FAT3: variants seen among roughly 807,000 people sequenced by gnomAD.
FAT3 encodes the protein FAT atypical cadherin 3, also known as protocadherin Fat 3.
FAT3 carries 95 observed loss-of-function variants against 310.2 expected under a neutral mutation model. That is an observed-to-expected ratio of 0.31 (90% CI 0.26 to 0.36). The LOEUF is 0.36. FAT3 is among the 10% of genes least tolerant of loss of function. The pLI, the probability that FAT3 is intolerant of heterozygous loss-of-function variation, is 1.00. For synonymous variants in FAT3, 2,314 were observed against 2,192.9 expected, an observed-to-expected ratio of 1.06 and a Z score of -1.54; for missense variants, 5,408 against 5,715.6, an observed-to-expected ratio of 0.95 and a Z score of 1.74.
chr11:92,645,386 G>A (rs939150710), intron 3 of FAT3, among the ~76,000 whole-genome samples: 4 of 151,668 alleles, frequency 2.6e-5, no homozygotes, highest in East Asian at 1.9e-4. Flanking sequence ...TACATTCTAC[G>A]CTGGTTAGGG....
chr11:92,829,438 T>C (rs1340821514), intron 13 of FAT3, among the ~76,000 whole-genome samples: 1 of 152,200 alleles, frequency 6.6e-6, no homozygotes, highest in Non-Finnish European at 1.5e-5. Context: ...TGCATTTTTG[T>C]GACTTGGAGA....
chr11:92,501,485 A>G (rs1952935806), intron 2 of FAT3, among the ~76,000 whole-genome samples: 1 of 152,078 alleles, frequency 6.6e-6, no homozygotes. Context: ...TAATAGCAAT[A>G]CAGAGTCAGA....
rs575197541 is a variant in FAT3 at position 92,728,239 on chromosome 11, T to TTTTG, written c.3669+30810_3669+30813dup. On this transcript the variant is annotated intron_variant, in intron 4 of 27. Transcript: ENST00000525166. ...AAATAGTTAGAATTTGTTTTCTGTTTTTTGTTTGTTTGTTTGTTTAACTAG... is the reference window on the plus strand; with the variant it reads ...AAATAGTTAGAATTTGTTTTCTGTTTTTTGTTTGTTTGTTTGTTTGTTTAACTAG... Among the ~76,000 whole-genome samples, 482 of 152,334 alleles carry TTTTG rather than the reference T, an allele frequency of 3.2e-3. 3 individuals carry two copies. Among genetic ancestry groups the TTTTG allele is most frequent in the African/African-American group, 0.01 (433 of 41,572 alleles).
chr11:92,321,531 A>T (rs1318513549), intron 1 of FAT3, among the ~76,000 whole-genome samples: 10 of 152,146 alleles, frequency 6.6e-5, no homozygotes, highest in Admixed American at 6.5e-5. Context: ...AATTAAGATG[A>T]TCTAATTAGA....
At chr11:92,480,640 A>C (rs763272086) in intron 2 of FAT3, among the ~76,000 whole-genome samples, 17 of 152,238 alleles carry the variant, frequency 1.1e-4, no homozygotes, top group South Asian at 4.1e-4. Flanking sequence ...TCTATGATGC[A>C]TGTGGCTTTT....
At chr11:92,886,907 G>C in intron 24 of FAT3, 93 bp from the exon 25 acceptor site, 1 of 986,422 alleles carries the variant, frequency 1.0e-6, no homozygotes, top group Non-Finnish European at 1.5e-6. Context: ...AAAGTGCCTC[G>C]AGAAGTGAAC....
intron 12 of FAT3, among the ~76,000 whole-genome samples, chr11:92,807,650 G>A (rs1947542228): frequency 6.6e-6 from 1 of 152,118 alleles, no homozygotes; most frequent in Admixed American, 6.6e-5. Context: ...AATGGCTTTA[G>A]GGTCCTTTTC....
Position 92,496,268 on chromosome 11 carries a change from A to G in FAT3, c.3293-28366A>G, listed in dbSNP as rs142903637. ...CAATTCTACCCTCAGTGCCTAATGC[A>G]TAAGAGTCAGTAAATATTTGTTGCA... is the stretch of plus-strand genomic sequence containing the variant. On this transcript the variant is annotated intron_variant, in intron 2 of 27. Transcript: ENST00000525166. Among the ~76,000 whole-genome samples the G allele has an allele frequency of 6.6e-4, 100 of 152,170 alleles. No homozygotes were observed. The Middle Eastern group carries it at 0.01, about 16-fold the overall frequency.
chr11:92,670,172 A>G (rs916638142), intron 3 of FAT3, among the ~76,000 whole-genome samples: 6 of 152,140 alleles, frequency 3.9e-5, no homozygotes, highest in Admixed American at 3.9e-4. Flanking sequence ...GTTCCTGGTG[A>G]CTTGGCATTT....
intron 1 of FAT3, among the ~76,000 whole-genome samples, chr11:92,351,490 A>G (rs1462540842): frequency 1.3e-5 from 2 of 152,198 alleles, no homozygotes; most frequent in African/African-American, 4.8e-5. Context: ...TTTATATAAT[A>G]ATAGAACTCA....
rs754510912 is a variant in FAT3, at chr11:92,805,188, G to T, written c.8932G>T (p.Val2978Leu). ...TCGAGGAAGGTTTGCTCTGGGCCTG[G>T]TGCAAAGTGAGTGGAAGGTCTATGT... The part of the protein sequence containing the change: ...NPRGRFALGL[V>L]QSEWKVYVKR... Residue 2978 changes from valine (V) to leucine (L), a missense_variant, in exon 11 of 28, where the codon GTG becomes TTG. Physicochemically the swap from Val to Leu is conservative, Grantham distance 32 (BLOSUM62 1). Coordinates refer to ENST00000525166, the MANE Select transcript of FAT3 (RefSeq NM_001367949.2). The T allele has an allele frequency of 3.1e-6, 5 of 1,613,628 alleles. No individual in the cohort carries two copies. The Admixed American group carries it at 8.3e-5, about 27-fold the overall frequency.
chr11:92,497,634 A>G (rs1257594671), intron 2 of FAT3, among the ~76,000 whole-genome samples: 1 of 152,058 alleles, frequency 6.6e-6, no homozygotes, highest in African/African-American at 2.4e-5. Context: ...ATGATATGAC[A>G]TCATCTGATA....
At chr11:92,875,955 G>C (rs1250283767) in intron 22 of FAT3, among the ~76,000 whole-genome samples, 3 of 152,170 alleles carry the variant, frequency 2.0e-5, no homozygotes, top group Admixed American at 1.3e-4. Context: ...TCTGCCATCA[G>C]ATCAAAAATC....
chr11:92,663,651 A>G (rs1942863774), intron 3 of FAT3, among the ~76,000 whole-genome samples: 1 of 152,174 alleles, frequency 6.6e-6, no homozygotes, highest in African/African-American at 2.4e-5. Flanking sequence ...AAAAAAAGTT[A>G]TCGCCCTTAA....
chr11:92,318,792 C>A (rs11019905), intron 1 of FAT3, among the ~76,000 whole-genome samples: 11,209 of 152,182 alleles, frequency 0.074, 573 homozygotes, highest in African/African-American at 0.14. Flanking sequence ...ACCAGGAGAA[C>A]TGGTAGGCAC....
chr11:92,425,760 C>T (rs1179061728), intron 2 of FAT3, among the ~76,000 whole-genome samples: 4 of 152,150 alleles, frequency 2.6e-5, no homozygotes, highest in Non-Finnish European at 5.9e-5. Context: ...ATATGTGCTA[C>T]ATTTTCTTTA....
At chr11:92,494,416 A>G (rs1337732197) in intron 2 of FAT3, among the ~76,000 whole-genome samples, 1 of 152,070 alleles carries the variant, frequency 6.6e-6, no homozygotes, top group African/African-American at 2.4e-5. Context: ...ATACCCAAAT[A>G]TATGAGTGAA....
At chr11:92,655,783 A>G (rs541792686) in intron 3 of FAT3, among the ~76,000 whole-genome samples, 34 of 152,042 alleles carry the variant, frequency 2.2e-4, no homozygotes, top group African/African-American at 7.7e-4. Context: ...TGGACCAAAC[A>G]TTTATGCTGG....
chr11:92,784,873 G>T (rs188450740), intron 7 of FAT3, among the ~76,000 whole-genome samples: 1 of 152,124 alleles, frequency 6.6e-6, no homozygotes, highest in Admixed American at 6.6e-5. Flanking sequence ...AGGCTTGCTG[G>T]CCGGAAAGGC....
Sources: allele counts gnomAD v4.1 joint callset (sites outside exome capture counted in the v4.1 genomes callset), GRCh38; gene constraint gnomAD v4.1.1; transcripts MANE v1.5; gene names NCBI Gene and HGNC (gene_info 2026-07-23, HGNC 2026-07-21).